The following SLC8A1 variants were observed in gnomAD, a reference collection of about 807,000 sequenced individuals.
SLC8A1 encodes the protein sodium/calcium exchanger 1.
SLC8A1 carries 18 observed loss-of-function variants against 68.3 expected under a neutral mutation model. The ratio of observed to expected loss-of-function variants is 0.26; its 90% confidence interval spans 0.18 to 0.39. The LOEUF is 0.39. Ranked by LOEUF, SLC8A1 falls within the 10% of genes least tolerant of loss-of-function variation. The pLI is 1.00. For synonymous variants in SLC8A1, 475 were observed against 415.5 expected, an observed-to-expected ratio of 1.14 and a Z score of -1.74; for missense variants, 985 against 1,156.7, an observed-to-expected ratio of 0.85 and a Z score of 2.15.
chr2:40,347,489 G>C (rs1272396763), intron 2 of SLC8A1, among the ~76,000 whole-genome samples: 1 of 152,202 alleles, frequency 6.6e-6, no homozygotes, highest in African/African-American at 2.4e-5. Context: ...GCCTTGCTGT[G>C]TATATGACAT....
chr2:40,299,648 C>T (rs2071063012), intron 2 of SLC8A1, among the ~76,000 whole-genome samples: 1 of 152,110 alleles, frequency 6.6e-6, no homozygotes, highest in South Asian at 2.1e-4. Flanking sequence ...GGGTTCTTTG[C>T]CTAAATCCTC....
chr2:40,186,665 A>G (rs757790241), intron 2 of SLC8A1, among the ~76,000 whole-genome samples: 2 of 152,194 alleles, frequency 1.3e-5, no homozygotes, highest in Non-Finnish European at 2.9e-5. Flanking sequence ...TCCTTTCTCG[A>G]AATCTTGAGA....
chr2:40,182,087 G>T (rs1469504158), intron 2 of SLC8A1, among the ~76,000 whole-genome samples: 1 of 152,144 alleles, frequency 6.6e-6, no homozygotes, highest in African/African-American at 2.4e-5. Context: ...AAGGACTCCA[G>T]CTCCCTGAGA....
intron 2 of SLC8A1, among the ~76,000 whole-genome samples, chr2:40,324,328 T>C (rs1480548088): frequency 2.0e-5 from 3 of 152,110 alleles, no homozygotes; most frequent in Non-Finnish European, 2.9e-5. Flanking sequence ...GGAGTGGGAA[T>C]TATACCTGGT....
chr2:40,356,882 C>T (rs1300694368), intron 2 of SLC8A1, among the ~76,000 whole-genome samples: 1 of 152,156 alleles, frequency 6.6e-6, no homozygotes, highest in Non-Finnish European at 1.5e-5. Flanking sequence ...AACCTTACAT[C>T]TCCTTAAGCC....
intron 2 of SLC8A1, among the ~76,000 whole-genome samples, chr2:40,360,275 A>G (rs1674195771): frequency 6.6e-6 from 1 of 152,202 alleles, no homozygotes; most frequent in Admixed American, 6.6e-5. Context: ...CCCAAGAGGT[A>G]GAGCCAAGTG....
chr2:40,259,253 T>C lies in SLC8A1; in HGVS notation c.1809-81398A>G, dbSNP rs574950224. Among the ~76,000 whole-genome samples, 6 of 145,490 alleles carry C rather than the reference T, an allele frequency of 4.1e-5. No homozygotes were observed. In the South Asian group the frequency reaches 6.3e-4, roughly 15 times the overall value. On this transcript the variant is annotated intron_variant, in intron 2 of 7. Transcript: ENST00000406785. The stretch of plus-strand genomic sequence containing the variant: ...GGACCACTTCCAAGGATGGAGATAA[T>C]AGAAGCCTTCCATTACAAATACTTG...
At chr2:40,106,446 T>A (rs1433283236) in exon 8 of SLC8A1, 3 of 151,946 alleles carry the variant, frequency 2.0e-5, no homozygotes, top group Non-Finnish European at 4.4e-5. Context: ...AAATTTTCAA[T>A]CCTTTTTGAT....
intron 2 of SLC8A1, among the ~76,000 whole-genome samples, chr2:40,285,714 G>A (rs999771982): frequency 3.3e-5 from 5 of 152,178 alleles, no homozygotes; most frequent in South Asian, 4.1e-4. Flanking sequence ...GAAACTTGCA[G>A]TGCTTTTGGT....
At chr2:40,148,007 G>A (rs186182180) in intron 6 of SLC8A1, among the ~76,000 whole-genome samples, 11 of 152,202 alleles carry the variant, frequency 7.2e-5, no homozygotes, top group East Asian at 3.9e-4. Flanking sequence ...CTGTCACCTC[G>A]CTACAATTAC....
intron 1 of SLC8A1, among the ~76,000 whole-genome samples, chr2:40,437,400 C>T (rs1295223636): frequency 6.6e-6 from 1 of 152,084 alleles, no homozygotes. Flanking sequence ...GTAAGCACTT[C>T]TATTCGTCAC....
At chr2:40,137,770 C>T (rs564713867) in intron 7 of SLC8A1, among the ~76,000 whole-genome samples, 4 of 152,206 alleles carry the variant, frequency 2.6e-5, no homozygotes, top group South Asian at 4.1e-4. Flanking sequence ...GTCAACTGAA[C>T]GACTTCAAAC....
intron 2 of SLC8A1, among the ~76,000 whole-genome samples, chr2:40,283,537 T>C (rs1444304133): frequency 1.3e-5 from 2 of 152,198 alleles, no homozygotes; most frequent in Admixed American, 6.5e-5. Flanking sequence ...GATTTTCACA[T>C]ACCCAGCACT....
At chr2:40,351,558 G>T (rs1671089094) in intron 2 of SLC8A1, among the ~76,000 whole-genome samples, 1 of 149,362 alleles carries the variant, frequency 6.7e-6, no homozygotes, top group Non-Finnish European at 1.5e-5. Context: ...CTAGAGTCAA[G>T]TAGATTGGCA....
At chr2:40,353,166 A>C (rs76769361) in intron 2 of SLC8A1, among the ~76,000 whole-genome samples, 4,047 of 152,250 alleles carry the variant, frequency 0.027, 151 homozygotes, top group African/African-American at 0.092. Context: ...TGGATAAAGA[A>C]ATTTTTGAGA....
chr2:40,194,427 G>A (rs960010185), intron 2 of SLC8A1, among the ~76,000 whole-genome samples: 3 of 151,362 alleles, frequency 2.0e-5, no homozygotes, highest in Non-Finnish European at 4.4e-5. Flanking sequence ...GGATAACACT[G>A]AGCGATCACT....
intron 1 of SLC8A1, among the ~76,000 whole-genome samples, chr2:40,447,957 T>C (rs1361887079): frequency 1.3e-5 from 2 of 152,158 alleles, no homozygotes; most frequent in African/African-American, 4.8e-5. Context: ...TCACTTAAAC[T>C]TTTGTCTTGT....
chr2:40,305,501 G>C (rs899302779), intron 2 of SLC8A1, among the ~76,000 whole-genome samples: 1 of 152,128 alleles, frequency 6.6e-6, no homozygotes, highest in East Asian at 1.9e-4. Context: ...TAACTGAGAG[G>C]ATGGATCAAG....
intron 1 of SLC8A1, among the ~76,000 whole-genome samples, chr2:40,500,614 C>A (rs1238140327): frequency 6.6e-6 from 1 of 151,848 alleles, no homozygotes; most frequent in Admixed American, 6.6e-5. Context: ...TTCATTTATT[C>A]TTGAAAAGAG....
Sources: allele counts gnomAD v4.1 joint callset (sites outside exome capture counted in the v4.1 genomes callset), GRCh38; gene constraint gnomAD v4.1.1; transcripts MANE v1.5; gene names NCBI Gene and HGNC (gene_info 2026-07-23, HGNC 2026-07-21).